The following PKNOX2 variants were observed in gnomAD, a reference collection of about 807,000 sequenced individuals.
PKNOX2 encodes the protein homeobox protein PKNOX2.
In PKNOX2, 14 loss-of-function variants were observed where a neutral mutation model predicts 53.1. The observed-to-expected ratio is 0.26, with a 90% CI of 0.17 to 0.41. The LOEUF (loss-of-function observed/expected upper bound fraction) is 0.41, where lower values mean the gene tolerates loss of function less well. Among genes scored for constraint, PKNOX2 ranks in the 10% least tolerant of loss-of-function variants. PKNOX2 has a pLI of 1.00. For missense variants in PKNOX2, 496 were observed against 602.8 expected (o/e 0.82, Z 1.85); for synonymous variants, 257 against 242.8 (o/e 1.06, Z -0.54).
At chr11:125,198,271 G>A (rs1811430) in intron 1 of PKNOX2, among the ~76,000 whole-genome samples, 3,407 of 152,250 alleles carry the variant, frequency 0.022, 137 homozygotes, top group African/African-American at 0.078. Flanking sequence ...TTTCTCCCCC[G>A]AAGAAGACAA....
chr11:125,351,110 C>T (rs1192542139), intron 3 of PKNOX2, among the ~76,000 whole-genome samples, 174 bp from the exon 4 acceptor site: 1 of 152,178 alleles, frequency 6.6e-6, no homozygotes, highest in Non-Finnish European at 1.5e-5. Flanking sequence ...ACAGCAAGCC[C>T]CTCCCCACCC....
chr11:125,188,852 G>A (rs966149915), intron 1 of PKNOX2, among the ~76,000 whole-genome samples: 21 of 151,852 alleles, frequency 1.4e-4, no homozygotes, highest in Admixed American at 4.6e-4. Flanking sequence ...CTCCTCATGC[G>A]CCGCCTTTTT....
At chr11:125,267,548 C>T (rs1021396422) in intron 2 of PKNOX2, among the ~76,000 whole-genome samples, 3 of 152,308 alleles carry the variant, frequency 2.0e-5, no homozygotes, top group South Asian at 4.2e-4. Context: ...TTTCTAGCTC[C>T]GCTCTTCTCG....
At chr11:125,325,320 C>T (rs1949766119) in intron 2 of PKNOX2, among the ~76,000 whole-genome samples, 1 of 152,204 alleles carries the variant, frequency 6.6e-6, no homozygotes, top group African/African-American at 2.4e-5. Flanking sequence ...AATACAGAGT[C>T]CCTGCTCTCT....
At position 125,205,999 on chromosome 11, in the gene PKNOX2, A is replaced by G. The variant is rs185954858; in HGVS notation, c.-200-29046A>G. On this transcript the variant is annotated intron_variant, in intron 1 of 12. Coordinates refer to ENST00000298282, the MANE Select transcript of PKNOX2 (RefSeq NM_001382323.2). ...TGTGCTAAGGGAATTCCAGGAAGAA[A>G]GAGATGGCTGTGCACCGGGGTGATC... Among the ~76,000 whole-genome samples, 158 of 152,202 alleles carry G rather than the reference A, an allele frequency of 1.0e-3. 1 individual carries two copies. Among genetic ancestry groups the G allele is most frequent in the Middle Eastern group, 3.4e-3 (1 of 294 alleles).
intron 2 of PKNOX2, among the ~76,000 whole-genome samples, chr11:125,235,447 C>T (rs1442159165): frequency 6.6e-6 from 1 of 152,216 alleles, no homozygotes; most frequent in East Asian, 1.9e-4. Flanking sequence ...GTGGGCTAAG[C>T]CTGGAAGGCA....
intron 1 of PKNOX2, among the ~76,000 whole-genome samples, chr11:125,221,936 G>A (rs947400229): frequency 2.6e-5 from 4 of 152,188 alleles, no homozygotes; most frequent in African/African-American, 4.8e-5. Context: ...GCCTGGTTGC[G>A]TACCTGAGGC....
chr11:125,250,158 C>T (rs1943889860), intron 2 of PKNOX2, among the ~76,000 whole-genome samples: 4 of 151,930 alleles, frequency 2.6e-5, no homozygotes, highest in South Asian at 2.1e-4. Flanking sequence ...TCAAATGACC[C>T]TCCCACCTCA....
chr11:125,324,347 G>A (rs938883032), intron 2 of PKNOX2, among the ~76,000 whole-genome samples: 1 of 152,112 alleles, frequency 6.6e-6, no homozygotes, highest in Admixed American at 6.5e-5. Context: ...TGGATAATAT[G>A]GTTCTTCGTA....
intron 2 of PKNOX2, among the ~76,000 whole-genome samples, chr11:125,315,776 T>G (rs1017018378): frequency 5.9e-5 from 9 of 152,124 alleles, no homozygotes; most frequent in Non-Finnish European, 2.9e-5. Context: ...TGACTCTTTC[T>G]GCACACCCGA....
At chr11:125,405,741 G>T (rs1365549650) in intron 7 of PKNOX2, among the ~76,000 whole-genome samples, 1 of 152,090 alleles carries the variant, frequency 6.6e-6, no homozygotes, top group African/African-American at 2.4e-5. Flanking sequence ...GCCTTGCTCT[G>T]CCCCTCCTGA....
At chr11:125,336,130 T>C (rs1318841365) in intron 3 of PKNOX2, among the ~76,000 whole-genome samples, 2 of 152,184 alleles carry the variant, frequency 1.3e-5, no homozygotes, top group Non-Finnish European at 2.9e-5. Context: ...AGATGCATAA[T>C]TATTTATTTA....
chr11:125,198,680 T>C (rs1938050181), intron 1 of PKNOX2, among the ~76,000 whole-genome samples: 1 of 152,066 alleles, frequency 6.6e-6, no homozygotes, highest in African/African-American at 2.4e-5. Context: ...GTCCCAACAC[T>C]ATAGATCTGA....
intron 2 of PKNOX2, among the ~76,000 whole-genome samples, chr11:125,321,072 G>C (rs1949491614): frequency 6.6e-6 from 1 of 152,198 alleles, no homozygotes; most frequent in African/African-American, 2.4e-5. Context: ...TAACATTTGA[G>C]CTGAGTCCTT....
intron 1 of PKNOX2, among the ~76,000 whole-genome samples, chr11:125,234,765 A>G (rs1338504126): frequency 6.6e-6 from 1 of 152,142 alleles, no homozygotes; most frequent in African/African-American, 2.4e-5. Flanking sequence ...TGGTAGTCCT[A>G]TAGGGAAGGG....
Position 125,210,696 on chromosome 11 carries a change from G to A in PKNOX2, c.-200-24349G>A, listed in dbSNP as rs564797637. 3.9e-5 allele frequency among the ~76,000 whole-genome samples: 6 copies of A among 152,164 alleles called. No individual in the cohort carries two copies. The South Asian group carries it at 6.2e-4, about 16-fold the overall frequency. ...ACACAGGAATTTAGTGCTAAAACCC[G>A]GAAAGTTTCAGACACACCAAGACGA... On this transcript the variant is annotated intron_variant, in intron 1 of 12. Transcript: ENST00000298282.
At chr11:125,336,551 T>C (rs1591532632) in intron 3 of PKNOX2, among the ~76,000 whole-genome samples, 1 of 148,606 alleles carries the variant, frequency 6.7e-6, no homozygotes, top group Admixed American at 6.8e-5. Flanking sequence ...ATAAATCTTC[T>C]AAATCTTAAT....
intron 2 of PKNOX2, among the ~76,000 whole-genome samples, chr11:125,304,755 A>C (rs764818166): frequency 1.3e-5 from 2 of 152,198 alleles, no homozygotes; most frequent in Non-Finnish European, 2.9e-5. Flanking sequence ...ATGTCTCCCT[A>C]GACACTCTTG....
intron 2 of PKNOX2, among the ~76,000 whole-genome samples, chr11:125,255,055 T>A (rs927794439): frequency 2.6e-5 from 4 of 152,250 alleles, no homozygotes; most frequent in Admixed American, 2.0e-4. Context: ...CAGGGTTTGC[T>A]GTCTAGCAAG....
Sources: gnomAD v4.1 joint callset for allele counts (sites outside exome capture counted in the v4.1 genomes callset) on GRCh38, gnomAD v4.1.1 for gene constraint, MANE v1.5 for transcripts, NCBI Gene and HGNC (gene_info 2026-07-23, HGNC 2026-07-21) for gene names.